MTR: variants seen among roughly 807,000 people sequenced by gnomAD.
The protein encoded by MTR is methionine synthase.
Under a neutral mutation model 154.8 loss-of-function variants are expected in MTR, and 84 were observed. That is an observed-to-expected ratio of 0.54 (90% CI 0.45 to 0.65). MTR has a LOEUF of 0.65. Among genes scored for constraint, MTR ranks in the 30% least tolerant of loss-of-function variants. The pLI, the probability that MTR is intolerant of heterozygous loss-of-function variation, is 0.00. For missense variants in MTR, 1,275 were observed against 1,570.2 expected (o/e 0.81, Z 3.18); for synonymous variants, 554 against 553.9 (o/e 1.00, Z 0.00).
At chr1:236,810,238 C>T (rs561074554) in intron 4 of MTR, among the ~76,000 whole-genome samples, 27 of 152,160 alleles carry the variant, frequency 1.8e-4, no homozygotes, top group African/African-American at 6.3e-4. Flanking sequence ...CTGGGGCAGC[C>T]CCATGATCAA....
At chr1:236,805,108 A>G (rs1479854252) in intron 2 of MTR, among the ~76,000 whole-genome samples, 1 of 152,162 alleles carries the variant, frequency 6.6e-6, no homozygotes, top group African/African-American at 2.4e-5. Flanking sequence ...TTTATCTCCC[A>G]GTGCTTCTGC....
intron 5 of MTR, 33 bp from the exon 6 acceptor site, chr1:236,812,705 A>G (rs780234059): frequency 1.3e-6 from 2 of 1,561,576 alleles, no homozygotes; most frequent in Non-Finnish European, 1.8e-6. Flanking sequence ...GATATTGATG[A>G]CTGATGTGCT....
At chr1:236,894,191 A>G (rs1666489633) in intron 29 of MTR, 166 bp from the exon 30 acceptor site, 3 of 691,592 alleles carry the variant, frequency 4.3e-6, no homozygotes, top group Non-Finnish European at 5.3e-6. Flanking sequence ...TATGTGTCAG[A>G]CACAATTCCA....
intron 24 of MTR, among the ~76,000 whole-genome samples, chr1:236,879,259 G>A (rs982344134): frequency 6.6e-5 from 10 of 152,176 alleles, no homozygotes. Context: ...TGGACACTTC[G>A]ATGTGTATCT....
rs570686317 is a variant in MTR, at chr1:236,903,588, C to T, written c.*5944C>T. 4 of 152,260 alleles carry T rather than the reference C, an allele frequency of 2.6e-5. No individual in the cohort carries two copies. The highest frequency in any genetic ancestry group is 1.3e-4 in the Admixed American group (2 of 15,296). 9.4% of individuals were successfully genotyped at this position (152,260 alleles called of 1,614,324 possible). On this transcript the variant is annotated 3_prime_UTR_variant, in exon 33 of 33. Coordinates refer to ENST00000366577, the MANE Select transcript of MTR (RefSeq NM_000254.3). Reference sequence around the variant, plus strand: ...TCTTGGATTAAATGGTTTTTGAGAACCTTGAGAGTGTATATTCTATGAAAT... The same window carrying T: ...TCTTGGATTAAATGGTTTTTGAGAATCTTGAGAGTGTATATTCTATGAAAT...
chr1:236,810,069 A>G (rs1321966112), intron 4 of MTR, among the ~76,000 whole-genome samples: 1 of 152,246 alleles, frequency 6.6e-6, no homozygotes, highest in Non-Finnish European at 1.5e-5. Flanking sequence ...CTTCATAAAA[A>G]TAGGAAGAGA....
intron 8 of MTR, chr1:236,819,498 T>A (rs1661797498): frequency 3.3e-6 from 1 of 300,344 alleles, no homozygotes; most frequent in South Asian, 3.5e-5. Context: ...TTCCCATTCA[T>A]GTATTGAAGA....
chr1:236,829,405 T>C, intron 12 of MTR, 137 bp downstream of exon 12: 1 of 783,106 alleles, frequency 1.3e-6, no homozygotes, highest in Non-Finnish European at 2.2e-6. Flanking sequence ...GGCGCTTAAA[T>C]GAATTCTAGT....
intron 3 of MTR, among the ~76,000 whole-genome samples, chr1:236,807,140 T>C (rs1661030976): frequency 6.6e-6 from 1 of 152,172 alleles, no homozygotes; most frequent in Non-Finnish European, 1.5e-5. Context: ...TTCTGTTTAA[T>C]TTTTTGAGGA....
chr1:236,805,340 A>C (rs1160290398), intron 2 of MTR, among the ~76,000 whole-genome samples: 3 of 151,952 alleles, frequency 2.0e-5, no homozygotes, highest in Admixed American at 1.3e-4. Flanking sequence ...TAGACTGAAC[A>C]ATTGTGGTCA....
Position 236,810,609 on chromosome 1 carries a change from A to C in MTR, c.502+14A>C. ...ATAGGAACATCAGTGAGTATTTACCACATATAATCATTGATCTTGGGGAAG... is the reference window on the plus strand; with the variant it reads ...ATAGGAACATCAGTGAGTATTTACCCCATATAATCATTGATCTTGGGGAAG... On this transcript the variant is annotated intron_variant, in intron 5 of 32. Transcript: ENST00000366577. 1.3e-6 allele frequency: 2 copies of C among 1,597,816 alleles called. No homozygotes were observed. Among genetic ancestry groups the C allele is most frequent in the Non-Finnish European group, 8.6e-7 (1 of 1,165,262 alleles).
chr1:236,889,463 C>T, intron 28 of MTR, 127 bp downstream of exon 28: 1 of 1,242,056 alleles, frequency 8.1e-7, no homozygotes, highest in Non-Finnish European at 1.2e-6. Flanking sequence ...TCATATTGCT[C>T]ACCTGCCCAA....
In MTR at chr1:236,897,956, G is replaced by A; in HGVS notation, c.*312G>A. The A allele has an allele frequency of 3.2e-6, 1 of 314,872 alleles. No individual in the cohort carries two copies. Among genetic ancestry groups the A allele is most frequent in the East Asian group, 7.3e-5 (1 of 13,756 alleles). 19.5% of individuals were successfully genotyped at this position (314,872 alleles called of 1,614,324 possible). ...GTTTGATTTCAAAGCAAGTCAACCT[G>A]CTTTTTTCTGTTTTTACAGTGGAAT... On this transcript the variant is annotated 3_prime_UTR_variant, in exon 33 of 33. Coordinates refer to ENST00000366577, the MANE Select transcript of MTR (RefSeq NM_000254.3).
intron 3 of MTR, among the ~76,000 whole-genome samples, chr1:236,807,111 T>C (rs1661029354): frequency 6.6e-6 from 1 of 152,208 alleles, no homozygotes; most frequent in Non-Finnish European, 1.5e-5. Flanking sequence ...AGAAGTTGAA[T>C]TGTTAGATGA....
chr1:236,893,233 C>T (rs908066487), intron 29 of MTR, among the ~76,000 whole-genome samples: 1 of 152,206 alleles, frequency 6.6e-6, no homozygotes, highest in African/African-American at 2.4e-5. Flanking sequence ...ACAGCTGTCC[C>T]TGAGCTCTGT....
chr1:236,899,815 A>G lies in MTR; in HGVS notation c.*2171A>G, dbSNP rs916233448. ...AATAGTGAAGACTACACAAGAGGAAATAGGGCTTTTAAATAAATAGATGTT... is the reference window on the plus strand; with the variant it reads ...AATAGTGAAGACTACACAAGAGGAAGTAGGGCTTTTAAATAAATAGATGTT... On this transcript the variant is annotated 3_prime_UTR_variant, in exon 33 of 33. Coordinates refer to ENST00000366577, the MANE Select transcript of MTR (RefSeq NM_000254.3). The G allele has an allele frequency of 2.6e-5, 4 of 152,442 alleles. No homozygotes were observed. Among genetic ancestry groups the G allele is most frequent in the Non-Finnish European group, 5.9e-5 (4 of 68,188 alleles). The allele number at this position is 152,442 out of a possible 1,614,324, so 9.4% of individuals were successfully genotyped here.
intron 24 of MTR, 84 bp downstream of exon 24, chr1:236,874,930 T>G: frequency 6.7e-7 from 1 of 1,489,202 alleles, no homozygotes; most frequent in African/African-American, 1.4e-5. Flanking sequence ...TGTGTTGTTT[T>G]GGATTTTCCC....
chr1:236,885,119 A>G lies in MTR; in HGVS notation c.2677-2A>G. On this transcript the variant is annotated splice_acceptor_variant, in intron 25 of 32. Coordinates refer to ENST00000366577, the MANE Select transcript of MTR (RefSeq NM_000254.3). LOFTEE classifies it high-confidence loss of function. ...TCATCTATGGCTATCTTGCATTTTC[A>G]GTGTTCCCAGCTGTTAGATGAAAAT... 3.1e-6 allele frequency: 5 copies of G among 1,591,936 alleles called. No homozygotes were observed. The highest frequency in any genetic ancestry group is 4.3e-6 in the Non-Finnish European group (5 of 1,159,972).
At chr1:236,835,275 G>A (rs967647715) in intron 13 of MTR, among the ~76,000 whole-genome samples, 1 of 152,046 alleles carries the variant, frequency 6.6e-6, no homozygotes, top group Non-Finnish European at 1.5e-5. Flanking sequence ...AGCTCAGAGG[G>A]CCTTGACTGC....
Sources: gnomAD v4.1 joint callset for allele counts (sites outside exome capture counted in the v4.1 genomes callset) on GRCh38, gnomAD v4.1.1 for gene constraint, MANE v1.5 for transcripts, NCBI Gene and HGNC (gene_info 2026-07-23, HGNC 2026-07-21) for gene names.